Variants in TMEFF1 observed in about 807,000 individuals in gnomAD.
The protein encoded by TMEFF1 is tomoregulin-1.
Under a neutral mutation model 47.5 loss-of-function variants are expected in TMEFF1, and 20 were observed. The ratio of observed to expected loss-of-function variants is 0.42; its 90% CI spans 0.30 to 0.61. The LOEUF is 0.61. Among genes scored for constraint, TMEFF1 ranks in the 20% least tolerant of loss-of-function variants. TMEFF1 has a pLI of 0.19. For synonymous variants in TMEFF1, 162 were observed against 166.3 expected, an observed-to-expected ratio of 0.97 and a Z score of 0.20; for missense variants, 411 against 471.1, an observed-to-expected ratio of 0.87 and a Z score of 1.18.
intron 1 of TMEFF1, among the ~76,000 whole-genome samples, chr9:100,475,716 T>C (rs1837211450): frequency 3.2e-5 from 1 of 31,358 alleles, no homozygotes; most frequent in Admixed American, 2.3e-4. Context: ...GCAGAGCGAC[T>C]GTGTGTGTGT....
intron 8 of TMEFF1, among the ~76,000 whole-genome samples, chr9:100,568,178 G>A (rs902503268): frequency 1.3e-5 from 2 of 152,120 alleles, no homozygotes; most frequent in African/African-American, 4.8e-5. Flanking sequence ...TGATATCCAG[G>A]GAGAACTGCA....
At chr9:100,545,497 C>T (rs1169965910) in intron 5 of TMEFF1, among the ~76,000 whole-genome samples, 2 of 152,148 alleles carry the variant, frequency 1.3e-5, no homozygotes, top group African/African-American at 2.4e-5. Flanking sequence ...GATCCTGGGC[C>T]CTACCCAGGA....
At chr9:100,509,278 C>A in intron 3 of TMEFF1, 144 bp downstream of exon 3, 1 of 1,231,202 alleles carries the variant, frequency 8.1e-7, no homozygotes, top group Non-Finnish European at 1.0e-6. Flanking sequence ...ATCTTTTTTG[C>A]CCTCATTTCA....
At chr9:100,526,955 CAAAAAA>C (rs55736750) in intron 5 of TMEFF1, among the ~76,000 whole-genome samples, 13 of 38,982 alleles carry the variant, frequency 3.3e-4, no homozygotes, top group African/African-American at 9.0e-4. Context: ...GCTAAAAATA[CAAAAAA>C]AAAAAAAAAA....
intron 3 of TMEFF1, among the ~76,000 whole-genome samples, chr9:100,509,844 C>T (rs1300054647): frequency 6.6e-6 from 1 of 151,640 alleles, no homozygotes; most frequent in Non-Finnish European, 1.5e-5. Flanking sequence ...TGTTGCTTTC[C>T]AAGTTTTTTC....
intron 7 of TMEFF1, among the ~76,000 whole-genome samples, chr9:100,552,295 G>C (rs982800802): frequency 6.6e-5 from 10 of 152,226 alleles, no homozygotes; most frequent in African/African-American, 2.4e-4. Context: ...CATTGGAATG[G>C]AGGCAGGGAT....
Position 100,558,634 on chromosome 9 carries a change from T to C in TMEFF1, c.776-2763T>C, listed in dbSNP as rs573138564. Among the ~76,000 whole-genome samples, 3 of 151,920 alleles carry C rather than the reference T, an allele frequency of 2.0e-5. No homozygotes were observed. In the South Asian group the frequency reaches 6.2e-4, roughly 32 times the overall value. The stretch of plus-strand genomic sequence containing the variant: ...GACTACTGCAGACAGCCCAGTTCAC[T>C]AAGGAATTCAAGATGGAAACCTTTA... On this transcript the variant is annotated intron_variant, in intron 7 of 9. Transcript: ENST00000374879.
chr9:100,569,659 A>G lies in TMEFF1; in HGVS notation c.900-2859A>G, dbSNP rs770306442. ...ACTCCTATGTTTTATTCTCTTCTAA[A>G]AATTAAATTTATTTAAAAATTGACA... On this transcript the variant is annotated intron_variant, in intron 8 of 9. Transcript: ENST00000374879. Among the ~76,000 whole-genome samples the G allele has an allele frequency of 4.7e-4, 72 of 152,256 alleles. 1 individual carries two copies. The Middle Eastern group carries it at 0.01, about 22-fold the overall frequency.
chr9:100,513,987 C>T (rs1838017487), intron 4 of TMEFF1, among the ~76,000 whole-genome samples: 1 of 152,042 alleles, frequency 6.6e-6, no homozygotes, highest in Non-Finnish European at 1.5e-5. Flanking sequence ...TTGGTAATAG[C>T]ATATAATGGA....
rs144542492 is a variant in TMEFF1, at chr9:100,481,007, A to G, written c.196+7267A>G. ...GAGAGTAGAATATCACCTAGAAACA[A>G]CAGACGCACTTTTGCCTGAGGCCTT... On this transcript the variant is annotated intron_variant, in intron 1 of 9. Coordinates refer to ENST00000374879, the MANE Select transcript of TMEFF1 (RefSeq NM_003692.5). Among the ~76,000 whole-genome samples, 380 of 152,308 alleles carry G rather than the reference A, an allele frequency of 2.5e-3. 2 individuals carry two copies. The highest frequency in any genetic ancestry group is 0.018 in the South Asian group (87 of 4,826).
At chr9:100,494,138 CA>C (rs1837609254) in intron 1 of TMEFF1, among the ~76,000 whole-genome samples, 1 of 144,898 alleles carries the variant, frequency 6.9e-6, no homozygotes, top group South Asian at 2.2e-4. Context: ...GCCCAGGAGG[CA>C]GAGGTTGCAG....
chr9:100,489,200 T>C (rs1273003527), intron 1 of TMEFF1, among the ~76,000 whole-genome samples: 1 of 152,094 alleles, frequency 6.6e-6, no homozygotes, highest in African/African-American at 2.4e-5. Context: ...TCTTTTAACA[T>C]AATATTTTCT....
At chr9:100,534,074 TG>T (rs1333004610) in intron 5 of TMEFF1, among the ~76,000 whole-genome samples, 7 of 152,070 alleles carry the variant, frequency 4.6e-5, no homozygotes, top group African/African-American at 1.7e-4. Flanking sequence ...GGAGGCTGTG[TG>T]GGGAAGTGTT....
At chr9:100,496,995 A>G (rs1340105816) in intron 1 of TMEFF1, among the ~76,000 whole-genome samples, 2 of 152,166 alleles carry the variant, frequency 1.3e-5, no homozygotes, top group African/African-American at 4.8e-5. Context: ...CTTTATTAAT[A>G]TTTTGTTATC....
chr9:100,473,511 T>C lies in TMEFF1; in HGVS notation c.-34T>C, dbSNP rs2118206241. The stretch of plus-strand genomic sequence containing the variant: ...CGGCTGGATGCCCCCGGCCTGCGGC[T>C]CCCTGCGCTTCCCGCCGTCCAGGGG... On this transcript the variant is annotated 5_prime_UTR_variant, in exon 1 of 10. Coordinates refer to ENST00000374879, the MANE Select transcript of TMEFF1 (RefSeq NM_003692.5). The surrounding 1 kb of genome is among the most constrained non-coding windows in gnomAD (Gnocchi z 5.4). 7.3e-7 allele frequency: 1 copy of C among 1,377,376 alleles called. No individual in the cohort carries two copies. The highest frequency in any genetic ancestry group is 9.4e-7 in the Non-Finnish European group (1 of 1,068,346). 85.3% of individuals were successfully genotyped at this position (1,377,376 alleles called of 1,614,324 possible). A position where few individuals can be genotyped will look rare whatever the true frequency, so the allele number is the denominator to read the frequency against.
At chr9:100,503,383 A>G (rs1254931856) in intron 2 of TMEFF1, among the ~76,000 whole-genome samples, 5 of 152,090 alleles carry the variant, frequency 3.3e-5, no homozygotes, top group African/African-American at 7.2e-5. Flanking sequence ...AGTACAGTCT[A>G]TGACTTTTTT....
chr9:100,548,270 C>A (rs187237895), intron 6 of TMEFF1, among the ~76,000 whole-genome samples: 1 of 152,128 alleles, frequency 6.6e-6, no homozygotes, highest in East Asian at 1.9e-4. Context: ...TGTTAAACCT[C>A]TTTTTATAGA....
intron 8 of TMEFF1, among the ~76,000 whole-genome samples, chr9:100,569,728 A>G (rs1564029931): frequency 1.3e-5 from 2 of 152,318 alleles, no homozygotes; most frequent in East Asian, 1.9e-4. Context: ...GGAAATATAT[A>G]TACATTGTGA....
At chr9:100,508,632 T>G (rs191610682) in intron 2 of TMEFF1, among the ~76,000 whole-genome samples, 48 of 152,116 alleles carry the variant, frequency 3.2e-4, no homozygotes, top group Non-Finnish European at 5.9e-4. Context: ...ATAATGATTT[T>G]TTTCTATTTT....
Sources: gnomAD v4.1 joint callset for allele counts (sites outside exome capture counted in the v4.1 genomes callset) on GRCh38, gnomAD v4.1.1 for gene constraint, Gnocchi (gnomAD v3.1) non-coding constraint, MANE v1.5 for transcripts, NCBI Gene and HGNC (gene_info 2026-07-23, HGNC 2026-07-21) for gene names.